The following ZCCHC12 variants were observed in gnomAD, a reference collection of about 807,000 sequenced individuals.
ZCCHC12 encodes zinc finger CCHC domain-containing protein 12.
For missense variants in ZCCHC12, 317 were observed against 323.4 expected (o/e 0.98, Z 0.15); for synonymous variants, 128 against 123.2 (o/e 1.04, Z -0.26).
rs2018240206 is a variant in ZCCHC12, at chrX:118,825,472, T to G, written c.228T>G (p.Asn76Lys). 2 of 1,209,924 alleles carry G rather than the reference T, an allele frequency of 1.7e-6. No individual in the cohort carries two copies. Among genetic ancestry groups the G allele is most frequent in the African/African-American group, 3.5e-5 (2 of 57,119 alleles). Residue 76 changes from asparagine (N) to lysine (K), a missense_variant, in exon 4 of 4, where the codon AAT (asparagine) becomes AAG (lysine). Asn to Lys is a moderately conservative substitution (Grantham distance 94). Transcript: ENST00000310164. ...TCAATGGCGTCCTGCCAGATTGGAA[T>G]ATGTCTGAGGAGGAAAAGCTCAAGC... Reference protein sequence around the residue: ...TQVNGVLPDWNMSEEEKLKRL... With the variant: ...TQVNGVLPDWKMSEEEKLKRL...
Position 118,825,528 on chromosome X carries a change from G to T in ZCCHC12, c.284G>T (p.Arg95Leu). 1.7e-6 allele frequency: 2 copies of T among 1,211,962 alleles called. No homozygotes were observed. The highest frequency in any genetic ancestry group is 2.2e-6 in the Non-Finnish European group (2 of 895,571). Residue 95 changes from arginine to leucine, a missense_variant, in exon 4 of 4, where the codon CGC (arginine) becomes CTC (leucine). By Grantham distance (102) the Arg-to-Leu change is moderately radical (BLOSUM62 -2). Coordinates refer to ENST00000310164, the MANE Select transcript of ZCCHC12 (RefSeq NM_173798.4). ...RLMKTLRGPA[R>L]EVMRVLQATN... ...ATGAAAACCCTTAGGGGCCCTGCCC[G>T]CGAGGTCATGCGTGTGCTTCAGGCG...
In ZCCHC12 at chrX:118,825,875, G is replaced by A; in HGVS notation, c.631G>A (p.Glu211Lys). The A allele has an allele frequency of 8.3e-7, 1 of 1,211,613 alleles. No individual in the cohort carries two copies. Among genetic ancestry groups the A allele is most frequent in the Middle Eastern group, 2.3e-4 (1 of 4,354 alleles). ...GCAGGAGCGGCTTCCCAACTTTCTG[G>A]AGTTAATCAGAATGGTAAGGGAGGA... is the stretch of plus-strand genomic sequence containing the variant. ...NEQERLPNFL[E>K]LIRMVREEED... The change falls in exon 4 of 4, where the codon GAG becomes AAG. Residue 211 changes from glutamate (E) to lysine (K), a missense_variant. Transcript: ENST00000310164.
At chrX:118,824,568 G>A (rs1462732617) in intron 2 of ZCCHC12, 21 bp from the exon 3 acceptor site, 5 of 111,140 alleles carry the variant, frequency 4.5e-5, no homozygotes, top group Non-Finnish European at 3.8e-5. Flanking sequence ...CTCCGCTGTG[G>A]CGCAATCTTG....
chrX:118,826,215 G>T lies in ZCCHC12; in HGVS notation c.971G>T (p.Gly324Val), dbSNP rs2018254240. The T allele has an allele frequency of 8.3e-7, 1 of 1,209,658 alleles. No individual in the cohort carries two copies. The highest frequency in any genetic ancestry group is 1.8e-5 in the African/African-American group (1 of 56,959). ...GCTCAGTTTCCTTCCACCAGTGGTG[G>T]TTCTGGCTATAAGAATAACGGTCCT... ...SRAQFPSTSG[G>V]SGYKNNGPGE... Residue 324 changes from glycine to valine, a missense_variant, in exon 4 of 4, where the codon GGT (glycine) becomes GTT (valine). By Grantham distance (109) the Gly-to-Val change is moderately radical. Coordinates refer to ENST00000310164, the MANE Select transcript of ZCCHC12 (RefSeq NM_173798.4).
chrX:118,824,170 C>A (rs749829931), intron 1 of ZCCHC12, among the ~76,000 whole-genome samples, 165 bp downstream of exon 1: 1 of 82,772 alleles, frequency 1.2e-5, no homozygotes, highest in South Asian at 6.0e-4. Context: ...CTGGATACTG[C>A]GGGCTAGGTA....
chrX:118,826,259 A>T lies in ZCCHC12; in HGVS notation c.1015A>T (p.Arg339Trp). The T allele has an allele frequency of 8.3e-7, 1 of 1,211,819 alleles. No homozygotes were observed. The highest frequency in any genetic ancestry group is 1.1e-6 in the Non-Finnish European group (1 of 895,535). Residue 339 changes from arginine (R) to tryptophan (W), a missense_variant, in exon 4 of 4, where the codon AGG becomes TGG. By Grantham distance (101) the Arg-to-Trp change is moderately radical. Coordinates refer to ENST00000310164, the MANE Select transcript of ZCCHC12 (RefSeq NM_173798.4). ...NNGPGEMRRA[R>W]KRKHTIRCSY... ...CGGTCCTGGGGAGATGCGTAGAGCC[A>T]GGAAGCGAAAACACACAATCCGCTG...
At position 118,826,467 on chromosome X, in the gene ZCCHC12, G is replaced by C; in HGVS notation, c.*14G>C. On this transcript the variant is annotated 3_prime_UTR_variant, in exon 4 of 4. Transcript: ENST00000310164. ...GAGCCACTGTAAGGGACCACCCCCA[G>C]GTTTCAGTGAACCCTTACCTATATT... The C allele has an allele frequency of 2.0e-5, 24 of 1,209,841 alleles. No homozygotes were observed. The highest frequency in any genetic ancestry group is 2.7e-5 in the Non-Finnish European group (24 of 894,985).
In ZCCHC12 at chrX:118,826,259, A is replaced by G. The variant is rs2018254946; in HGVS notation, c.1015A>G (p.Arg339Gly). The change falls in exon 4 of 4, where the codon AGG becomes GGG. Residue 339 changes from arginine to glycine, a missense_variant. Coordinates refer to ENST00000310164, the MANE Select transcript of ZCCHC12 (RefSeq NM_173798.4). ...NNGPGEMRRARKRKHTIRCSY... is the reference protein window; with the variant it reads ...NNGPGEMRRAGKRKHTIRCSY... ...CGGTCCTGGGGAGATGCGTAGAGCCAGGAAGCGAAAACACACAATCCGCTG... is the reference window on the plus strand; with the variant it reads ...CGGTCCTGGGGAGATGCGTAGAGCCGGGAAGCGAAAACACACAATCCGCTG... 2 of 1,211,819 alleles carry G rather than the reference A, an allele frequency of 1.7e-6. No homozygotes were observed. Among genetic ancestry groups the G allele is most frequent in the East Asian group, 5.9e-5 (2 of 33,832 alleles).
rs2147425633 is a variant in ZCCHC12 at position 118,823,913 on chromosome X, C to T, written c.-384C>T. 1 of 113,469 alleles carries T rather than the reference C, an allele frequency of 8.8e-6. No individual in the cohort carries two copies. Among genetic ancestry groups the T allele is most frequent in the East Asian group, 2.8e-4 (1 of 3,578 alleles). The allele number at this position is 113,469 out of a possible 1,213,427, so 9.4% of individuals were successfully genotyped here. A position where few individuals can be genotyped will look rare whatever the true frequency, so the allele number is the denominator to read the frequency against. Reference sequence around the variant, plus strand: ...CCGGGTCGCTTAGCGGCCAAGGAGGCTTCAGTTCTTTGCCGCCTGCAAGGC... The same window carrying T: ...CCGGGTCGCTTAGCGGCCAAGGAGGTTTCAGTTCTTTGCCGCCTGCAAGGC... On this transcript the variant is annotated 5_prime_UTR_variant, in exon 1 of 4. Coordinates refer to ENST00000310164, the MANE Select transcript of ZCCHC12 (RefSeq NM_173798.4).
rs766009444 is a variant in ZCCHC12, at chrX:118,825,952, G to A, written c.708G>A (p.Glu236=). ...AACGGAAGCGTCCAAAAAGGTCTGA[G>A]TCAATGGTGGAGAGGGCAGTCAGCC... ...FIKRKRPKRS[E]SMVERAVSPV... Residue 236 remains glutamate, a synonymous_variant, in exon 4 of 4, where the codon GAG becomes GAA. Transcript: ENST00000310164. 1 of 1,211,990 alleles carries A rather than the reference G, an allele frequency of 8.3e-7. No homozygotes were observed. Among genetic ancestry groups the A allele is most frequent in the Admixed American group, 2.2e-5 (1 of 46,087 alleles).
At position 118,826,862 on chromosome X, in the gene ZCCHC12, T is replaced by C. The variant is rs1484017548; in HGVS notation, c.*409T>C. 1.6e-5 allele frequency: 3 copies of C among 188,763 alleles called. No individual in the cohort carries two copies. The highest frequency in any genetic ancestry group is 3.0e-5 in the African/African-American group (1 of 33,489). 15.6% of individuals were successfully genotyped at this position (188,763 alleles called of 1,213,427 possible). On this transcript the variant is annotated 3_prime_UTR_variant, in exon 4 of 4. Coordinates refer to ENST00000310164, the MANE Select transcript of ZCCHC12 (RefSeq NM_173798.4). ...CCCTATACCTATGTACCCAGATAGA[T>C]ATATGCATAGATAAAAGTGATGAAA...
Position 118,826,138 on chromosome X carries a change from G to A in ZCCHC12, c.894G>A (p.Arg298=). The change falls in exon 4 of 4, where the codon AGG becomes AGA. Residue 298 remains arginine, a synonymous_variant. Transcript: ENST00000310164. ...GGGGTGCCCCTCCCCTCAGAGACAG[G>A]GCCAGACCTCAGGATGAAGTGCTGG... ...PSWGAPPLRD[R]ARPQDEVLVI... The A allele has an allele frequency of 8.3e-7, 1 of 1,211,672 alleles. No homozygotes were observed. Among genetic ancestry groups the A allele is most frequent in the Non-Finnish European group, 1.1e-6 (1 of 895,491 alleles).
rs1313391235 is a variant in ZCCHC12, at chrX:118,825,977, C to T, written c.733C>T (p.Pro245Ser). 2.5e-6 allele frequency: 3 copies of T among 1,211,546 alleles called. No homozygotes were observed. In the South Asian group the frequency reaches 5.3e-5, roughly 21 times the overall value. Residue 245 changes from proline to serine, a missense_variant, in exon 4 of 4, where the codon CCT becomes TCT. Physicochemically the swap from Pro to Ser is moderately conservative, Grantham distance 74. Coordinates refer to ENST00000310164, the MANE Select transcript of ZCCHC12 (RefSeq NM_173798.4). The stretch of plus-strand genomic sequence containing the variant: ...GTCAATGGTGGAGAGGGCAGTCAGC[C>T]CTGTGGCATTTCAGGGCTCCCCACC... ...SESMVERAVS[P>S]VAFQGSPPIV...
chrX:118,823,863 T>TGCGAAGCAGCTCCTTCGGGCAGCCCC lies in ZCCHC12; in HGVS notation c.-432_-407dup, dbSNP rs2018219753. Reference sequence around the variant, plus strand: ...TCTGCTACCCCTGGTTGGGCGGCCCTGCGAAGCAGCTCCTTCGGGCAGCCC... The same window carrying TGCGAAGCAGCTCCTTCGGGCAGCCCC: ...TCTGCTACCCCTGGTTGGGCGGCCCTGCGAAGCAGCTCCTTCGGGCAGCCCCGCGAAGCAGCTCCTTCGGGCAGCCC... On this transcript the variant is annotated 5_prime_UTR_variant, in exon 1 of 4. Coordinates refer to ENST00000310164, the MANE Select transcript of ZCCHC12 (RefSeq NM_173798.4). 8.8e-6 allele frequency: 1 copy of TGCGAAGCAGCTCCTTCGGGCAGCCCC among 113,387 alleles called. No homozygotes were observed. Among genetic ancestry groups the TGCGAAGCAGCTCCTTCGGGCAGCCCC allele is most frequent in the Non-Finnish European group, 1.9e-5 (1 of 53,400 alleles). 9.3% of individuals were successfully genotyped at this position (113,387 alleles called of 1,213,427 possible). A position where few individuals can be genotyped will look rare whatever the true frequency, so the allele number is the denominator to read the frequency against.
intron 2 of ZCCHC12, 47 bp from the exon 3 acceptor site, chrX:118,824,542 T>G (rs997205720): frequency 1.8e-5 from 2 of 110,843 alleles, no homozygotes; most frequent in Non-Finnish European, 1.9e-5. Context: ...TTCTAACCCT[T>G]CCCTTCTCTG....
chrX:118,825,431 A>G lies in ZCCHC12; in HGVS notation c.187A>G (p.Asn63Asp). 1 of 1,210,950 alleles carries G rather than the reference A, an allele frequency of 8.3e-7. No homozygotes were observed. Among genetic ancestry groups the G allele is most frequent in the Non-Finnish European group, 1.1e-6 (1 of 894,926 alleles). ...AGCCCAAGGGGAAGAAACCTTTGAA[A>G]ACTGGCTGACCCAAGTCAATGGCGT... ...VPAQGEETFE[N>D]WLTQVNGVLP... Residue 63 changes from asparagine to aspartate, a missense_variant, in exon 4 of 4, where the codon AAC becomes GAC. Coordinates refer to ENST00000310164, the MANE Select transcript of ZCCHC12 (RefSeq NM_173798.4).
rs769482630 is a variant in ZCCHC12 at position 118,826,330 on chromosome X, C to T, written c.1086C>T (p.Asn362=). The change falls in exon 4 of 4, where the codon AAC becomes AAT. Residue 362 remains asparagine (N), a synonymous_variant. Coordinates refer to ENST00000310164, the MANE Select transcript of ZCCHC12 (RefSeq NM_173798.4). ...EEGHSKETCD[N]ESDKAQVFEN... Reference sequence around the variant, plus strand: ...GCCACTCAAAAGAAACCTGTGACAACGAGAGTGACAAGGCCCAGGTTTTTG... The same window carrying T: ...GCCACTCAAAAGAAACCTGTGACAATGAGAGTGACAAGGCCCAGGTTTTTG... 4.1e-6 allele frequency: 5 copies of T among 1,209,723 alleles called. No individual in the cohort carries two copies. The highest frequency in any genetic ancestry group is 3.0e-5 in the East Asian group (1 of 33,752).
rs768766334 is a variant in ZCCHC12, at chrX:118,825,888, T to C, written c.644T>C (p.Met215Thr). 18 of 1,209,368 alleles carry C rather than the reference T, an allele frequency of 1.5e-5. No individual in the cohort carries two copies. The highest frequency in any genetic ancestry group is 2.0e-5 in the Non-Finnish European group (18 of 895,087). Residue 215 changes from methionine to threonine, a missense_variant, in exon 4 of 4, where the codon ATG becomes ACG. Coordinates refer to ENST00000310164, the MANE Select transcript of ZCCHC12 (RefSeq NM_173798.4). ...RLPNFLELIR[M>T]VREEEDWDDA... is the part of the protein sequence containing the mutation. ...CCCAACTTTCTGGAGTTAATCAGAATGGTAAGGGAGGAAGAGGATTGGGAT... is the reference window on the plus strand; with the variant it reads ...CCCAACTTTCTGGAGTTAATCAGAACGGTAAGGGAGGAAGAGGATTGGGAT...
Position 118,826,584 on chromosome X carries a change from G to A in ZCCHC12, c.*131G>A. On this transcript the variant is annotated 3_prime_UTR_variant, in exon 4 of 4. Coordinates refer to ENST00000310164, the MANE Select transcript of ZCCHC12 (RefSeq NM_173798.4). ...CACAAAGCGGCTATCTTTTGGGGTG[G>A]AGTAGAAAGGGTCTTGGATACCAGC... The A allele has an allele frequency of 1.1e-6, 1 of 898,644 alleles. No individual in the cohort carries two copies. The highest frequency in any genetic ancestry group is 1.6e-6 in the Non-Finnish European group (1 of 632,886). 74.1% of individuals were successfully genotyped at this position (898,644 alleles called of 1,213,427 possible).
Sources: gnomAD v4.1 joint callset for allele counts (sites outside exome capture counted in the v4.1 genomes callset) on GRCh38, gnomAD v4.1.1 for gene constraint, MANE v1.5 for transcripts, NCBI Gene and HGNC (gene_info 2026-07-23, HGNC 2026-07-21) for gene names.